Variants in CTNNA3 observed in about 807,000 individuals in gnomAD.
CTNNA3 encodes the protein catenin alpha-3.
A neutral mutation model predicts 95.7 loss-of-function variants in CTNNA3; 76 were observed. The observed-to-expected ratio is 0.79, with a 90% confidence interval of 0.66 to 0.96. The LOEUF is 0.96. Ranked by LOEUF, CTNNA3 falls within the 40% of genes least tolerant of loss-of-function variation. The probability of loss-of-function intolerance (pLI) is 0.00; values close to 1 mark genes in which losing one functional copy is unlikely to be tolerated. For missense variants in CTNNA3, 1,191 were observed against 1,089.8 expected (o/e 1.09, Z -1.31); for synonymous variants, 431 against 374.4 (o/e 1.15, Z -1.74).
intron 7 of CTNNA3, among the ~76,000 whole-genome samples, chr10:66,852,292 G>A (rs1157717756): frequency 1.3e-5 from 2 of 151,978 alleles, no homozygotes; most frequent in Non-Finnish European, 2.9e-5. Context: ...CAATCTGATG[G>A]AAGGACATTT....
chr10:66,665,350 T>A (rs1846414224), intron 9 of CTNNA3, among the ~76,000 whole-genome samples: 1 of 152,156 alleles, frequency 6.6e-6, no homozygotes, highest in South Asian at 2.1e-4. Flanking sequence ...GTCAAAGAAA[T>A]CAAGTCAACA....
At chr10:66,878,669 C>A (rs1034916058) in intron 7 of CTNNA3, among the ~76,000 whole-genome samples, 1 of 152,124 alleles carries the variant, frequency 6.6e-6, no homozygotes, top group Non-Finnish European at 1.5e-5. Context: ...TCTCCTCCCA[C>A]AATAAACCAT....
chr10:66,218,224 C>T (rs2088681086), intron 13 of CTNNA3, among the ~76,000 whole-genome samples: 2 of 152,200 alleles, frequency 1.3e-5, no homozygotes, highest in Non-Finnish European at 2.9e-5. Flanking sequence ...CAGTAGCCAG[C>T]TTGCAATATT....
At chr10:66,386,980 A>T (rs1239198727) in intron 11 of CTNNA3, among the ~76,000 whole-genome samples, 1 of 152,170 alleles carries the variant, frequency 6.6e-6, no homozygotes, top group Non-Finnish European at 1.5e-5. Flanking sequence ...TTAGACCTAA[A>T]ACCATAAAAA....
intron 7 of CTNNA3, among the ~76,000 whole-genome samples, chr10:66,929,190 C>T: frequency 6.6e-6 from 1 of 152,182 alleles, no homozygotes; most frequent in Admixed American, 6.5e-5. Flanking sequence ...TAAAATCAGA[C>T]TAGAGGTTTC....
chr10:66,538,874 T>A (rs769773723), intron 10 of CTNNA3, among the ~76,000 whole-genome samples: 1 of 152,192 alleles, frequency 6.6e-6, no homozygotes, highest in African/African-American at 2.4e-5. Flanking sequence ...TAACTGATTT[T>A]CATAATGGTG....
intron 13 of CTNNA3, among the ~76,000 whole-genome samples, chr10:66,219,546 A>G (rs1221301629): frequency 1.3e-5 from 2 of 152,124 alleles, no homozygotes; most frequent in Admixed American, 6.5e-5. Context: ...AGTAGCCCAC[A>G]TGGTGAAAAA....
At chr10:67,441,277 AG>A (rs1243571394) in intron 5 of CTNNA3, among the ~76,000 whole-genome samples, 4 of 151,676 alleles carry the variant, frequency 2.6e-5, no homozygotes, top group African/African-American at 7.3e-5. Context: ...AAAAAAAAAA[AG>A]AATAAAAAGC....
chr10:66,551,822 C>T (rs1468091277), intron 10 of CTNNA3, among the ~76,000 whole-genome samples: 7 of 151,150 alleles, frequency 4.6e-5, no homozygotes, highest in African/African-American at 1.7e-4. Context: ...TGGAGCTGTC[C>T]GTACATGCAT....
chr10:66,039,146 T>C (rs117716314), intron 15 of CTNNA3, among the ~76,000 whole-genome samples: 4,856 of 152,208 alleles, frequency 0.032, 108 homozygotes, highest in East Asian at 0.072. Flanking sequence ...TCATTCACAA[T>C]TGCCACAGAA....
chr10:65,999,858 A>T (rs34501282), intron 15 of CTNNA3, among the ~76,000 whole-genome samples: 31,850 of 151,760 alleles, frequency 0.21, 3,835 homozygotes, highest in Middle Eastern at 0.34. Flanking sequence ...AGAAAGGGTT[A>T]GAGATTGAAA....
intron 4 of CTNNA3, among the ~76,000 whole-genome samples, chr10:67,533,216 C>T (rs1016184809): frequency 4.0e-5 from 6 of 151,698 alleles, no homozygotes; most frequent in South Asian, 2.1e-4. Flanking sequence ...CCCAGCTACT[C>T]GGGAGGCTGA....
At chr10:66,425,474 C>T (rs2093231518) in intron 11 of CTNNA3, among the ~76,000 whole-genome samples, 1 of 151,650 alleles carries the variant, frequency 6.6e-6, no homozygotes, top group African/African-American at 2.4e-5. Context: ...TGTAACTGTA[C>T]ACACACTCAG....
At chr10:67,676,756 A>G (rs1305858118) in intron 1 of CTNNA3, among the ~76,000 whole-genome samples, 4 of 152,170 alleles carry the variant, frequency 2.6e-5, no homozygotes, top group South Asian at 2.1e-4. Flanking sequence ...AGAGGCCACA[A>G]TGATTTAAGA....
At chr10:66,046,552 G>GA (rs1554835229) in intron 15 of CTNNA3, among the ~76,000 whole-genome samples, 4 of 151,846 alleles carry the variant, frequency 2.6e-5, no homozygotes, top group Non-Finnish European at 4.4e-5. Flanking sequence ...TCTCACAACT[G>GA]AAAAAATTAG....
intron 7 of CTNNA3, among the ~76,000 whole-genome samples, chr10:66,863,224 TATATATAATACA>T (rs1844021374): frequency 6.7e-6 from 1 of 150,306 alleles, no homozygotes; most frequent in Non-Finnish European, 1.5e-5. Flanking sequence ...CACACATATA[TATATATAATACA>T]ATATATAATA....
At chr10:67,371,631 A>T (rs1175095235) in intron 5 of CTNNA3, among the ~76,000 whole-genome samples, 1 of 152,130 alleles carries the variant, frequency 6.6e-6, no homozygotes, top group East Asian at 1.9e-4. Flanking sequence ...TCTATCATTG[A>T]TGGACATCTG....
intron 14 of CTNNA3, among the ~76,000 whole-genome samples, chr10:66,092,189 C>T (rs1052709778): frequency 6.6e-5 from 10 of 151,866 alleles, no homozygotes; most frequent in Non-Finnish European, 1.2e-4. Flanking sequence ...CAATCAACAA[C>T]GTTCAACCTC....
chr10:66,007,158 T>A (rs567366018), intron 15 of CTNNA3, among the ~76,000 whole-genome samples: 109 of 152,350 alleles, frequency 7.2e-4, no homozygotes, highest in African/African-American at 2.5e-3. Context: ...AGTTTTCATG[T>A]TAATGTGTCA....
Sources: allele counts gnomAD v4.1 joint callset (sites outside exome capture counted in the v4.1 genomes callset), GRCh38; gene constraint gnomAD v4.1.1; transcripts MANE v1.5; gene names NCBI Gene and HGNC (gene_info 2026-07-23, HGNC 2026-07-21).